EYA1: variants seen among roughly 807,000 people sequenced by gnomAD.
EYA1 encodes the protein protein phosphatase EYA1.
A neutral mutation model predicts 82.0 loss-of-function variants in EYA1; 16 were observed. The ratio of observed to expected loss-of-function variants is 0.20; its 90% CI spans 0.13 to 0.30. The LOEUF (loss-of-function observed/expected upper bound fraction) is 0.30. EYA1 is among the 10% of genes least tolerant of loss of function. The pLI is 1.00. For missense variants in EYA1, 633 were observed against 730.7 expected (o/e 0.87, Z 1.54); for synonymous variants, 261 against 264.4 (o/e 0.99, Z 0.12).
intron 2 of EYA1, among the ~76,000 whole-genome samples, chr8:71,489,760 G>A (rs569880578): frequency 5.3e-5 from 8 of 152,328 alleles, no homozygotes; most frequent in South Asian, 2.1e-4. Flanking sequence ...TGGAAATTGG[G>A]TTATTTTAAT....
At chr8:71,224,900 T>C (rs140730781) in intron 12 of EYA1, among the ~76,000 whole-genome samples, 14 of 152,362 alleles carry the variant, frequency 9.2e-5, no homozygotes, top group African/African-American at 3.4e-4. Flanking sequence ...GGACATCTTC[T>C]AAACTTCTCT....
chr8:71,369,958 C>G (rs1005958848), intron 2 of EYA1, among the ~76,000 whole-genome samples: 7 of 151,778 alleles, frequency 4.6e-5, no homozygotes, highest in Non-Finnish European at 7.4e-5. Flanking sequence ...AAAAACTGTG[C>G]TAGGAATTTG....
intron 2 of EYA1, among the ~76,000 whole-genome samples, chr8:71,448,025 T>TTTTTTTTTTTTTTTTTGTTAACGGAG (rs935912194): frequency 8.6e-6 from 1 of 116,736 alleles, no homozygotes; most frequent in African/African-American, 3.4e-5. Context: ...TTTTTTTTTT[T>TTTTTTTTTTTTTTTTTGTTAACGGAG]TCTCGCTCCG....
At chr8:71,291,658 T>C (rs889577893) in intron 9 of EYA1, among the ~76,000 whole-genome samples, 6 of 152,222 alleles carry the variant, frequency 3.9e-5, no homozygotes, top group Non-Finnish European at 7.4e-5. Flanking sequence ...CACTGCTTTA[T>C]ATTTGTATTA....
intron 3 of EYA1, among the ~76,000 whole-genome samples, chr8:71,344,379 T>C (rs1825486983): frequency 6.6e-6 from 1 of 152,138 alleles, no homozygotes; most frequent in African/African-American, 2.4e-5. Context: ...AATGGAAGAG[T>C]AATAATTTTA....
intron 9 of EYA1, among the ~76,000 whole-genome samples, chr8:71,286,394 A>C (rs1415029864): frequency 6.6e-6 from 1 of 152,240 alleles, no homozygotes; most frequent in East Asian, 1.9e-4. Flanking sequence ...TGCAGAGTGC[A>C]GAACCCTGGA....
chr8:71,311,506 CA>C (rs1265030594), intron 7 of EYA1, among the ~76,000 whole-genome samples: 1 of 152,234 alleles, frequency 6.6e-6, no homozygotes, highest in Non-Finnish European at 1.5e-5. Flanking sequence ...TGTCCATCCA[CA>C]CCCACCCATT....
chr8:71,240,832 T>C (rs556964080), intron 12 of EYA1, among the ~76,000 whole-genome samples: 3 of 152,238 alleles, frequency 2.0e-5, no homozygotes, highest in Non-Finnish European at 2.9e-5. Flanking sequence ...TATCGTATGC[T>C]GAAGGCCTTT....
At chr8:71,296,250 A>T (rs541942445) in intron 9 of EYA1, among the ~76,000 whole-genome samples, 1 of 152,290 alleles carries the variant, frequency 6.6e-6, no homozygotes, top group East Asian at 1.9e-4. Context: ...TTTCATTATG[A>T]ACACTTTAAA....
At chr8:71,267,847 C>T (rs1345782583) in intron 11 of EYA1, among the ~76,000 whole-genome samples, 3 of 152,076 alleles carry the variant, frequency 2.0e-5, no homozygotes, top group Non-Finnish European at 4.4e-5. Flanking sequence ...CGCGCCCGGC[C>T]GAGATAAAAC....
chr8:71,532,962 G>A (rs547197041), intron 2 of EYA1, among the ~76,000 whole-genome samples: 38 of 152,262 alleles, frequency 2.5e-4, no homozygotes, highest in African/African-American at 8.7e-4. Flanking sequence ...AATAACCTAC[G>A]GACATGTGCA....
At chr8:71,208,523 A>ACAT in intron 17 of EYA1, among the ~76,000 whole-genome samples, 1 of 152,330 alleles carries the variant, frequency 6.6e-6, no homozygotes, top group African/African-American at 2.4e-5. Context: ...CATCAGAAAT[A>ACAT]CATAAAGTTT....
intron 4 of EYA1, among the ~76,000 whole-genome samples, chr8:71,322,871 T>C (rs1380408268): frequency 6.6e-6 from 1 of 152,230 alleles, no homozygotes; most frequent in African/African-American, 2.4e-5. Flanking sequence ...TTTCCTGTGC[T>C]GATCTGGGTC....
intron 4 of EYA1, among the ~76,000 whole-genome samples, chr8:71,326,903 G>A (rs1004943500): frequency 1.2e-4 from 18 of 152,140 alleles, no homozygotes; most frequent in African/African-American, 3.4e-4. Flanking sequence ...CATAAATTAA[G>A]TCATGCCACA....
At chr8:71,474,810 C>T (rs1809521480) in intron 2 of EYA1, among the ~76,000 whole-genome samples, 1 of 152,036 alleles carries the variant, frequency 6.6e-6, no homozygotes, top group Admixed American at 6.6e-5. Context: ...CCATTTTGTA[C>T]AATGGAACAC....
intron 2 of EYA1, among the ~76,000 whole-genome samples, chr8:71,503,325 T>C (rs1811952764): frequency 6.6e-6 from 1 of 151,998 alleles, no homozygotes; most frequent in Admixed American, 6.5e-5. Flanking sequence ...ATACAAAAAT[T>C]ACCTGGGCGT....
At chr8:71,228,462 G>A (rs914771794) in intron 12 of EYA1, among the ~76,000 whole-genome samples, 1 of 151,840 alleles carries the variant, frequency 6.6e-6, no homozygotes, top group Non-Finnish European at 1.5e-5. Context: ...AAAAAAAAAA[G>A]GGAAAGTTTT....
intron 9 of EYA1, among the ~76,000 whole-genome samples, chr8:71,289,404 T>C (rs897048082): frequency 1.3e-5 from 2 of 152,254 alleles, no homozygotes; most frequent in African/African-American, 4.8e-5. Context: ...TATCAGCAAG[T>C]AGAGCTCAAA....
At chr8:71,530,578 T>C (rs1350926441) in intron 2 of EYA1, among the ~76,000 whole-genome samples, 1 of 152,240 alleles carries the variant, frequency 6.6e-6, no homozygotes, top group African/African-American at 2.4e-5. Context: ...GCTGAATAAA[T>C]GCAACCCTGA....
Sources: gnomAD v4.1 joint callset for allele counts (sites outside exome capture counted in the v4.1 genomes callset) on GRCh38, gnomAD v4.1.1 for gene constraint, MANE v1.5 for transcripts, NCBI Gene and HGNC (gene_info 2026-07-23, HGNC 2026-07-21) for gene names.